The following CRYBG1 variants were observed in gnomAD, a reference collection of about 807,000 sequenced individuals.
CRYBG1 encodes the protein crystallin beta-gamma domain containing 1.
In CRYBG1, 139 loss-of-function variants were observed where a neutral mutation model predicts 189.2. That is an observed-to-expected ratio of 0.73 (90% CI 0.64 to 0.85). The LOEUF is 0.85. Among genes scored for constraint, CRYBG1 ranks in the 40% least tolerant of loss-of-function variants. The pLI, the probability that CRYBG1 is intolerant of heterozygous loss-of-function variation, is 0.00. For missense variants in CRYBG1, 2,611 were observed against 2,675.8 expected, an observed-to-expected ratio of 0.98 and a Z score of 0.53; for synonymous variants, 1,023 against 1,017.1, an observed-to-expected ratio of 1.01 and a Z score of -0.11.
At chr6:106,537,924 C>T (rs917907034) in intron 8 of CRYBG1, among the ~76,000 whole-genome samples, 25 of 152,256 alleles carry the variant, frequency 1.6e-4, no homozygotes, top group African/African-American at 5.5e-4. Flanking sequence ...GTTTATCCAG[C>T]GGAATCTTCA....
Position 106,571,696 on chromosome 6 carries a change from C to G in CRYBG1, c.*3130C>G. The stretch of plus-strand genomic sequence containing the variant: ...ACACAGCGAGACCCTGTCTCTAAAA[C>G]AAAAAAGACAATAAAGTAGTTTAAG... On this transcript the variant is annotated 3_prime_UTR_variant, in exon 22 of 22. Transcript: ENST00000633556. 1 of 286,928 alleles carries G rather than the reference C, an allele frequency of 3.5e-6. No individual in the cohort carries two copies. Among genetic ancestry groups the G allele is most frequent in the South Asian group, 3.7e-5 (1 of 27,116 alleles). The allele number at this position is 286,928 out of a possible 1,614,324, so 17.8% of individuals were successfully genotyped here.
At chr6:106,544,459 A>G in intron 11 of CRYBG1, 112 bp from the exon 12 acceptor site, 2 of 1,249,580 alleles carry the variant, frequency 1.6e-6, no homozygotes. Flanking sequence ...ATAAAGCAGA[A>G]GGTCATGTCT....
chr6:106,423,010 A>G (rs534982621), intron 1 of CRYBG1, among the ~76,000 whole-genome samples: 180 of 152,332 alleles, frequency 1.2e-3, no homozygotes, highest in Non-Finnish European at 1.9e-3. Flanking sequence ...GCTCCCGTAG[A>G]TAAGTTCCAC....
intron 1 of CRYBG1, among the ~76,000 whole-genome samples, chr6:106,392,189 TG>T (rs1770520905): frequency 6.6e-6 from 1 of 152,052 alleles, no homozygotes; most frequent in African/African-American, 2.4e-5. Context: ...GGGAATAAGT[TG>T]GGTTTTTTAC....
intron 3 of CRYBG1, among the ~76,000 whole-genome samples, chr6:106,517,413 TATATA>T (rs1773460302): frequency 8.3e-6 from 1 of 119,942 alleles, no homozygotes; most frequent in Non-Finnish European, 1.7e-5. Context: ...CACACACACA[TATATA>T]CACATATATA....
At chr6:106,484,187 G>A (rs1356844971) in intron 2 of CRYBG1, among the ~76,000 whole-genome samples, 1 of 152,078 alleles carries the variant, frequency 6.6e-6, no homozygotes, top group Non-Finnish European at 1.5e-5. Context: ...ACTATATTTT[G>A]TTCCATTGGT....
chr6:106,558,646 C>A, intron 18 of CRYBG1, 21 bp downstream of exon 18: 2 of 1,589,964 alleles, frequency 1.3e-6, no homozygotes, highest in Non-Finnish European at 8.5e-7. Flanking sequence ...TACTTGTTGA[C>A]TCAATAAAAT....
chr6:106,438,883 T>C (rs1771517572), intron 1 of CRYBG1, among the ~76,000 whole-genome samples: 1 of 152,090 alleles, frequency 6.6e-6, no homozygotes. Context: ...TAGCATAAAT[T>C]GTAACTGTTA....
intron 2 of CRYBG1, among the ~76,000 whole-genome samples, chr6:106,476,889 T>C (rs1772344766): frequency 6.6e-6 from 1 of 152,194 alleles, no homozygotes; most frequent in Admixed American, 6.5e-5. Context: ...TGCCACTTGA[T>C]AGCTGTGTGA....
At chr6:106,384,543 A>T (rs1770349098) in intron 1 of CRYBG1, among the ~76,000 whole-genome samples, 1 of 152,008 alleles carries the variant, frequency 6.6e-6, no homozygotes, top group African/African-American at 2.4e-5. Context: ...TGCGTTGTTT[A>T]TGTCCAGTCT....
At chr6:106,561,131 C>T (rs965156690) in intron 19 of CRYBG1, among the ~76,000 whole-genome samples, 3 of 152,212 alleles carry the variant, frequency 2.0e-5, no homozygotes, top group Non-Finnish European at 4.4e-5. Context: ...GAACATCAAA[C>T]GCAGTTATCC....
rs752493640 is a variant in CRYBG1 at position 106,360,891 on chromosome 6, C to G, written c.-18C>G. Reference sequence around the variant, plus strand: ...GAGGACCGCGTCCCGGCAGTCGGAGCGGGAGGAGGACAAGACGATGCCGCT... The same window carrying G: ...GAGGACCGCGTCCCGGCAGTCGGAGGGGGAGGAGGACAAGACGATGCCGCT... On this transcript the variant is annotated 5_prime_UTR_variant, in exon 1 of 22. Transcript: ENST00000633556. The G allele has an allele frequency of 1.3e-6, 2 of 1,518,972 alleles. No homozygotes were observed. Among genetic ancestry groups the G allele is most frequent in the African/African-American group, 1.4e-5 (1 of 71,824 alleles). 94.1% of individuals were successfully genotyped at this position (1,518,972 alleles called of 1,614,324 possible).
intron 3 of CRYBG1, 105 bp from the exon 4 acceptor site, chr6:106,519,026 A>T: frequency 8.4e-7 from 1 of 1,197,286 alleles, no homozygotes; most frequent in Non-Finnish European, 1.2e-6. Flanking sequence ...CAAATGTTAT[A>T]TATCAGGGAG....
At position 106,571,968 on chromosome 6, in the gene CRYBG1, G is replaced by A. The variant is rs367768296; in HGVS notation, c.*3402G>A. ...TCACAGGCACTCACCAAATAAGAAC[G>A]TCAACAATCACTAAACTGCATTTTT... On this transcript the variant is annotated 3_prime_UTR_variant, in exon 22 of 22. Coordinates refer to ENST00000633556, the MANE Select transcript of CRYBG1 (RefSeq NM_001371242.2). 4.9e-4 allele frequency: 758 copies of A among 1,562,346 alleles called. 1 individual carries two copies. The highest frequency in any genetic ancestry group is 6.0e-4 in the Non-Finnish European group (683 of 1,134,752).
intron 2 of CRYBG1, among the ~76,000 whole-genome samples, chr6:106,460,243 T>G (rs9486353): frequency 0.7 from 105,461 of 151,606 alleles, 37,001 homozygotes; most frequent in East Asian, 0.81. Flanking sequence ...CGCCCGCCTC[T>G]GCCTCCCAAA....
At chr6:106,392,773 A>T (rs1425451700) in intron 1 of CRYBG1, among the ~76,000 whole-genome samples, 4 of 150,930 alleles carry the variant, frequency 2.7e-5, no homozygotes, top group African/African-American at 7.3e-5. Context: ...AAGAGAAATA[A>T]TTTTTTTTTT....
Position 106,453,873 on chromosome 6 carries a change from C to T in CRYBG1, c.312+2041C>T, listed in dbSNP as rs141656029. The stretch of plus-strand genomic sequence containing the variant: ...ACCTGGGAGAGGCGGAGGCTTGAAG[C>T]CGCAGATGAACTGGGATCCCAGTGT... On this transcript the variant is annotated intron_variant, in intron 2 of 21. Transcript: ENST00000633556. Among the ~76,000 whole-genome samples the T allele has an allele frequency of 2.3e-3, 353 of 152,290 alleles. 1 individual carries two copies. Among genetic ancestry groups the T allele is most frequent in the Middle Eastern group, 3.4e-3 (1 of 294 alleles).
chr6:106,514,125 G>C (rs972861875), intron 3 of CRYBG1, among the ~76,000 whole-genome samples: 7 of 152,172 alleles, frequency 4.6e-5, no homozygotes, highest in African/African-American at 1.4e-4. Flanking sequence ...CTGGTGCTTT[G>C]GGGGAGCTGG....
chr6:106,522,347 A>C (rs1167743294), intron 4 of CRYBG1, among the ~76,000 whole-genome samples: 3 of 142,880 alleles, frequency 2.1e-5, no homozygotes, highest in Non-Finnish European at 4.8e-5. Flanking sequence ...TCATTAGGGA[A>C]ATATTTTTTT....
Sources: allele counts gnomAD v4.1 joint callset (sites outside exome capture counted in the v4.1 genomes callset), GRCh38; gene constraint gnomAD v4.1.1; transcripts MANE v1.5; gene names NCBI Gene and HGNC (gene_info 2026-07-23, HGNC 2026-07-21).